The following DYNLT2 variants were observed in gnomAD, a reference collection of about 807,000 sequenced individuals.
DYNLT2 encodes dynein light chain Tctex-type 2.
Under a neutral mutation model 24.3 loss-of-function variants are expected in DYNLT2, and 24 were observed. The ratio of observed to expected loss-of-function variants is 0.99; its 90% confidence interval spans 0.71 to 1.39. The LOEUF (loss-of-function observed/expected upper bound fraction) is 1.39. Ranked by LOEUF, DYNLT2 falls within the 40% of genes most tolerant of loss-of-function variation. DYNLT2 has a pLI of 0.00. For missense variants in DYNLT2, 246 were observed against 234.5 expected (o/e 1.05, Z -0.32); for synonymous variants, 85 against 85.4 (o/e 1.00, Z 0.03).
In DYNLT2 at chr6:169,751,073, A is replaced by T. The variant is rs564729640; in HGVS notation, c.120+266T>A. ...CAAGCTGAGTAAATTTGAAAAGAAGATCTTGTAACCACCCTTCCAATCGAC... is the reference window on the plus strand; with the variant it reads ...CAAGCTGAGTAAATTTGAAAAGAAGTTCTTGTAACCACCCTTCCAATCGAC... On this transcript the variant is annotated intron_variant, in intron 1 of 3. Coordinates refer to ENST00000366774, the MANE Select transcript of DYNLT2 (RefSeq NM_174910.3). 5 of 392,048 alleles carry T rather than the reference A, an allele frequency of 1.3e-5. No homozygotes were observed. The South Asian group carries it at 2.5e-4, about 20-fold the overall frequency. 24.3% of individuals were successfully genotyped at this position (392,048 alleles called of 1,614,324 possible).
chr6:169,725,491 A>C, the DYNLT2 span: 4 of 396,436 alleles, frequency 1.0e-5, no homozygotes, highest in African/African-American at 8.2e-5. Flanking sequence ...TGGTTCTCTC[A>C]GCCTCAGCCA....
At chr6:169,735,969 A>G (rs940797883), downstream of DYNLT2, among the ~76,000 whole-genome samples, 2 of 152,172 alleles carry the variant, frequency 1.3e-5, no homozygotes, top group Admixed American at 6.5e-5. Context: ...TGAGTGCTCC[A>G]GTATTGGGTA....
intron 2 of DYNLT2, 119 bp downstream of exon 2, chr6:169,743,949 C>G: frequency 1.1e-6 from 1 of 916,138 alleles, no homozygotes. Flanking sequence ...ACAATACCTT[C>G]TGGTTCTAGT....
intron 3 of DYNLT2, among the ~76,000 whole-genome samples, chr6:169,741,657 C>T (rs947477355): frequency 2.6e-5 from 4 of 152,146 alleles, no homozygotes; most frequent in African/African-American, 9.7e-5. Context: ...ATATCAAGCA[C>T]TCCAAGTCAT....
At chr6:169,728,536 A>C in the DYNLT2 span, among the ~76,000 whole-genome samples, 1 of 152,218 alleles carries the variant, frequency 6.6e-6, no homozygotes, top group African/African-American at 2.4e-5. Context: ...TGACCATGGA[A>C]GTTGAAATTG....
intron 1 of DYNLT2, among the ~76,000 whole-genome samples, chr6:169,745,101 GT>G (rs939039835): frequency 1.6e-4 from 23 of 145,316 alleles, no homozygotes; most frequent in East Asian, 2.0e-4. Flanking sequence ...TTTTTTGTTT[GT>G]TTTTTTTTTT....
At chr6:169,743,952 G>T in intron 2 of DYNLT2, 116 bp downstream of exon 2, 1 of 955,148 alleles carries the variant, frequency 1.0e-6, no homozygotes, top group Non-Finnish European at 1.6e-6. Context: ...ATACCTTCTG[G>T]TTCTAGTGAC....
At chr6:169,743,052 C>T (rs748018053) in intron 3 of DYNLT2, 28 bp downstream of exon 3, 2 of 1,459,112 alleles carry the variant, frequency 1.4e-6, no homozygotes, top group Admixed American at 4.0e-5. Context: ...GTTCTAATTG[C>T]TAGATCCTGT....
At chr6:169,751,309 T>C (rs1454130055) in intron 1 of DYNLT2, 30 bp downstream of exon 1, 34 of 1,603,958 alleles carry the variant, frequency 2.1e-5, no homozygotes, top group Middle Eastern at 1.7e-4. Flanking sequence ...GACATAGCCG[T>C]CTCGGGCCCC....
chr6:169,740,387 T>C, intron 3 of DYNLT2, 92 bp from the exon 4 acceptor site: 1 of 729,246 alleles, frequency 1.4e-6, no homozygotes, highest in Non-Finnish European at 2.4e-6. Flanking sequence ...AATGAATGCA[T>C]CAGTATCTCA....
the DYNLT2 span, among the ~76,000 whole-genome samples, chr6:169,731,662 G>A: frequency 6.6e-6 from 1 of 152,078 alleles, no homozygotes; most frequent in Non-Finnish European, 1.5e-5. Context: ...AATAATAAAT[G>A]AATCAATGAA....
At chr6:169,727,292 G>A in the DYNLT2 span, among the ~76,000 whole-genome samples, 1 of 152,166 alleles carries the variant, frequency 6.6e-6, no homozygotes, top group Non-Finnish European at 1.5e-5. Flanking sequence ...GAGAAAGAGA[G>A]TATCTGGAGA....
chr6:169,728,258 G>A, the DYNLT2 span, among the ~76,000 whole-genome samples: 1 of 152,104 alleles, frequency 6.6e-6, no homozygotes, highest in Admixed American at 6.5e-5. Context: ...GAAATTTGAG[G>A]GCTATAAATG....
chr6:169,749,837 G>A (rs1450866992), intron 1 of DYNLT2: 1 of 152,160 alleles, frequency 6.6e-6, no homozygotes, highest in Non-Finnish European at 1.5e-5. Context: ...TCAAGAGATG[G>A]TCATATTGAT....
At chr6:169,732,178 A>AT in the DYNLT2 span, among the ~76,000 whole-genome samples, 61 of 151,426 alleles carry the variant, frequency 4.0e-4, no homozygotes, top group African/African-American at 1.1e-3. Context: ...TGGTGGAGTG[A>AT]TTTTTTTTTC....
At chr6:169,744,356 G>T in intron 1 of DYNLT2, 82 bp from the exon 2 acceptor site, 1 of 1,198,830 alleles carries the variant, frequency 8.3e-7, no homozygotes, top group Non-Finnish European at 1.2e-6. Context: ...GATTAAATAA[G>T]CCTGTACAGT....
intron 1 of DYNLT2, among the ~76,000 whole-genome samples, chr6:169,748,387 C>T (rs1439139615): frequency 7.0e-6 from 1 of 143,062 alleles, no homozygotes; most frequent in East Asian, 2.3e-4. Flanking sequence ...TGGGGTTCAC[C>T]TTACCTATTT....
intron 3 of DYNLT2, among the ~76,000 whole-genome samples, chr6:169,741,473 G>T (rs796569420): frequency 9.2e-5 from 14 of 152,288 alleles, no homozygotes; most frequent in African/African-American, 3.4e-4. Flanking sequence ...CAGCAGAAAA[G>T]CCAAGTAGCT....
At chr6:169,737,736 A>G (rs1789590846), downstream of DYNLT2, among the ~76,000 whole-genome samples, 1 of 152,094 alleles carries the variant, frequency 6.6e-6, no homozygotes, top group South Asian at 2.1e-4. Flanking sequence ...TGCCAGTAGG[A>G]TCACTCCTGT....
Sources: gnomAD v4.1 joint callset for allele counts (sites outside exome capture counted in the v4.1 genomes callset) on GRCh38, gnomAD v4.1.1 for gene constraint, MANE v1.5 for transcripts, NCBI Gene and HGNC (gene_info 2026-07-23, HGNC 2026-07-21) for gene names.